The following TENM1 variants were observed in gnomAD, a reference collection of about 807,000 sequenced individuals.
TENM1 encodes the protein teneurin-1.
In TENM1, 35 loss-of-function variants were observed where a neutral mutation model predicts 174.8. The ratio of observed to expected loss-of-function variants is 0.20; its 90% CI spans 0.15 to 0.27. The LOEUF (loss-of-function observed/expected upper bound fraction) is 0.27. Among genes scored for constraint, TENM1 ranks in the 10% least tolerant of loss-of-function variants. The probability of loss-of-function intolerance (pLI) is 1.00; values close to 1 mark genes in which losing one functional copy is unlikely to be tolerated. For missense variants in TENM1, 1,633 were observed against 2,130.1 expected (o/e 0.77, Z 4.59); for synonymous variants, 781 against 798.7 (o/e 0.98, Z 0.37).
At chrX:124,512,633 C>A (rs1213747628) in intron 18 of TENM1, among the ~76,000 whole-genome samples, 2 of 110,350 alleles carry the variant, frequency 1.8e-5, no homozygotes. Flanking sequence ...AATTTATTCA[C>A]TCTGGTATTA....
intron 23 of TENM1, among the ~76,000 whole-genome samples, chrX:124,424,950 C>T (rs1017253316): frequency 8.1e-5 from 9 of 111,085 alleles, no homozygotes; most frequent in African/African-American, 1.3e-4. Flanking sequence ...CCTGTGAAAC[C>T]GTGAGCCAAT....
At chrX:124,850,122 T>TA (rs1289592883) in intron 3 of TENM1, among the ~76,000 whole-genome samples, 3 of 111,714 alleles carry the variant, frequency 2.7e-5, no homozygotes, top group African/African-American at 9.8e-5. Context: ...TTTAATGGGA[T>TA]AAAAAAGACT....
At chrX:125,099,103 G>C in the TENM1 span, among the ~76,000 whole-genome samples, 1 of 112,355 alleles carries the variant, frequency 8.9e-6, no homozygotes, top group Non-Finnish European at 1.9e-5. Context: ...GCAGTAGAAG[G>C]CTCAGTATTT....
the TENM1 span, among the ~76,000 whole-genome samples, chrX:125,021,169 C>G: frequency 4.6e-5 from 5 of 109,462 alleles, no homozygotes; most frequent in East Asian, 1.1e-3. Flanking sequence ...TTTTGCGAGG[C>G]TGTCTATTAG....
intron 4 of TENM1, among the ~76,000 whole-genome samples, chrX:124,722,566 C>A (rs1374873442): frequency 9.0e-6 from 1 of 111,058 alleles, no homozygotes; most frequent in Non-Finnish European, 1.9e-5. Flanking sequence ...CTCGGCCAGG[C>A]GTGGTGGCTC....
At chrX:124,395,935 T>C (rs1006688123) in intron 27 of TENM1, among the ~76,000 whole-genome samples, 1 of 112,034 alleles carries the variant, frequency 8.9e-6, no homozygotes, top group African/African-American at 3.2e-5. Context: ...GTTTTATTTG[T>C]CTGATAGATT....
chrX:125,024,363 T>G, the TENM1 span, among the ~76,000 whole-genome samples: 3 of 105,790 alleles, frequency 2.8e-5, no homozygotes, highest in African/African-American at 1.1e-4. Context: ...CACACATACA[T>G]ATGCACACAC....
chrX:124,791,894 C>T (rs1809939832), intron 3 of TENM1, among the ~76,000 whole-genome samples: 1 of 111,057 alleles, frequency 9.0e-6, no homozygotes, highest in Admixed American at 9.6e-5. Context: ...GTAAAATATG[C>T]TCCCCAGACA....
the TENM1 span, among the ~76,000 whole-genome samples, chrX:125,127,969 G>A: frequency 9.0e-6 from 1 of 111,013 alleles, no homozygotes; most frequent in South Asian, 3.8e-4. Flanking sequence ...CACATTCGAA[G>A]TATCTCTAAA....
the TENM1 span, among the ~76,000 whole-genome samples, chrX:125,155,225 T>A: frequency 2.9e-4 from 32 of 111,398 alleles, no homozygotes; most frequent in African/African-American, 1.0e-3. Context: ...CCCACCAGAG[T>A]AGCTAGATAC....
the TENM1 span, among the ~76,000 whole-genome samples, chrX:125,094,671 A>G: frequency 9.8e-5 from 11 of 112,079 alleles, no homozygotes; most frequent in Admixed American, 1.0e-3. Flanking sequence ...TGATTGAGAT[A>G]TGTTTTGGGT....
chrX:124,941,993 T>C (rs2147754911), intron 1 of TENM1, among the ~76,000 whole-genome samples: 1 of 111,468 alleles, frequency 9.0e-6, no homozygotes, highest in Non-Finnish European at 1.9e-5. Context: ...TTCACTGCCA[T>C]GAGAATAGTA....
intron 4 of TENM1, among the ~76,000 whole-genome samples, chrX:124,728,718 T>C (rs951732034): frequency 9.0e-6 from 1 of 111,674 alleles, no homozygotes; most frequent in African/African-American, 3.3e-5. Flanking sequence ...TGTTATTTAT[T>C]TACCTTTGCT....
At chrX:124,866,263 A>AAAAC (rs2057006053) in intron 3 of TENM1, among the ~76,000 whole-genome samples, 1 of 112,191 alleles carries the variant, frequency 8.9e-6, no homozygotes, top group African/African-American at 3.2e-5. Context: ...TTTAGTTCAC[A>AAAAC]AAACAAGTCT....
chrX:125,194,567 C>T, the TENM1 span, among the ~76,000 whole-genome samples: 2 of 111,856 alleles, frequency 1.8e-5, no homozygotes, highest in Non-Finnish European at 3.8e-5. Context: ...TAGCACACTG[C>T]TTAATTTTGG....
chrX:124,426,288 C>T (rs1385214702), intron 23 of TENM1, among the ~76,000 whole-genome samples: 1 of 111,454 alleles, frequency 9.0e-6, no homozygotes, highest in Non-Finnish European at 1.9e-5. Context: ...AAAAAAAGTC[C>T]CATTCATGGC....
chrX:125,190,242 G>A, the TENM1 span, among the ~76,000 whole-genome samples: 2 of 111,720 alleles, frequency 1.8e-5, no homozygotes, highest in Non-Finnish European at 3.8e-5. Flanking sequence ...GGCAATATAG[G>A]CATTTCTAAT....
chrX:124,988,393 C>T, the TENM1 span, among the ~76,000 whole-genome samples: 7 of 111,721 alleles, frequency 6.3e-5, no homozygotes, highest in East Asian at 2.8e-4. Flanking sequence ...CTAGTTACCC[C>T]GTATCTATTA....
chrX:124,878,480 G>A (rs1032837229), intron 3 of TENM1, among the ~76,000 whole-genome samples: 3 of 109,338 alleles, frequency 2.7e-5, no homozygotes, highest in South Asian at 4.3e-4. Context: ...GATCTCTCAC[G>A]AATGGCTTGG....
Sources: gnomAD v4.1 joint callset for allele counts (sites outside exome capture counted in the v4.1 genomes callset) on GRCh38, gnomAD v4.1.1 for gene constraint, MANE v1.5 for transcripts, NCBI Gene and HGNC (gene_info 2026-07-23, HGNC 2026-07-21) for gene names.